The following NECAB2 variants were observed in gnomAD, a reference collection of about 807,000 sequenced individuals.
NECAB2 encodes the protein N-terminal EF-hand calcium binding protein 2.
NECAB2 carries 68 observed loss-of-function variants against 51.9 expected under a neutral mutation model. The observed-to-expected ratio is 1.31, with a 90% CI of 1.08 to 1.60. NECAB2 has a LOEUF of 1.60. Among genes scored for constraint, NECAB2 ranks in the 40% most tolerant of loss-of-function variants. The pLI is 0.00. For synonymous variants in NECAB2, 329 were observed against 203.5 expected (o/e 1.62, Z -5.25); for missense variants, 854 against 490.3 (o/e 1.74, Z -7.00).
Position 83,987,710 on chromosome 16 carries a change from C to T in NECAB2, c.460-2784C>T, listed in dbSNP as rs556627655. ...TTTTGTTAGGTATATTAGATTATTT[C>T]CAAGTTTTTGCTATTATGAGTATTA... On this transcript the variant is annotated intron_variant, in intron 5 of 12. Transcript: ENST00000305202. Among the ~76,000 whole-genome samples, 35 of 151,524 alleles carry T rather than the reference C, an allele frequency of 2.3e-4. 2 individuals carry two copies. In the South Asian group the frequency reaches 5.8e-3, roughly 25 times the overall value.
chr16:83,977,462 A>T (rs188029780), intron 2 of NECAB2, among the ~76,000 whole-genome samples: 36 of 151,986 alleles, frequency 2.4e-4, no homozygotes, highest in African/African-American at 8.7e-4. Flanking sequence ...TCTGATCCAA[A>T]CCCACAAGAC....
At chr16:83,978,702 C>A (rs2084448012) in intron 3 of NECAB2, 150 bp downstream of exon 3, 2 of 647,386 alleles carry the variant, frequency 3.1e-6, no homozygotes, top group Non-Finnish European at 5.4e-6. Flanking sequence ...CTCTTCACTG[C>A]CTGGGGTGAA....
At chr16:83,970,773 A>G (rs1031157427) in intron 1 of NECAB2, among the ~76,000 whole-genome samples, 1 of 152,166 alleles carries the variant, frequency 6.6e-6, no homozygotes, top group Non-Finnish European at 1.5e-5. Context: ...GGGCCACCGC[A>G]GAAGCTGGGA....
At chr16:83,990,775 C>T (rs899327583) in intron 6 of NECAB2, 145 bp downstream of exon 6, 8 of 1,039,478 alleles carry the variant, frequency 7.7e-6, no homozygotes, top group African/African-American at 6.5e-5. Context: ...CTTTGGTGCT[C>T]CATTATGTAA....
chr16:83,978,529 C>T lies in NECAB2; in HGVS notation c.312C>T (p.His104=), dbSNP rs1285595036. The change falls in exon 3 of 13, where the codon CAC becomes CAT. Residue 104 remains histidine (H), a synonymous_variant. Transcript: ENST00000305202. ...LNEKELEDLF[H]TIDSDNTNHV... ...AGAAAGAACTGGAGGATCTCTTTCA[C>T]ACGATTGACTCTGACAACACCAAGT... 2 of 1,613,582 alleles carry T rather than the reference C, an allele frequency of 1.2e-6. No homozygotes were observed. Among genetic ancestry groups the T allele is most frequent in the African/African-American group, 2.7e-5 (2 of 74,788 alleles).
intron 8 of NECAB2, among the ~76,000 whole-genome samples, chr16:83,996,597 A>T (rs11640370): frequency 0.18 from 25,782 of 144,132 alleles, 2,922 homozygotes; most frequent in Non-Finnish European, 0.28. Flanking sequence ...CCTGTGCGTC[A>T]GGTAGACACA....
chr16:84,002,042 C>T (rs2084847440), intron 12 of NECAB2, 126 bp downstream of exon 12: 1 of 1,173,254 alleles, frequency 8.5e-7, no homozygotes, highest in South Asian at 1.4e-5. Context: ...GCTCCTGCCA[C>T]CAATGCCAGG....
At chr16:83,988,189 C>T (rs2084578759) in intron 5 of NECAB2, among the ~76,000 whole-genome samples, 1 of 152,152 alleles carries the variant, frequency 6.6e-6, no homozygotes, top group African/African-American at 2.4e-5. Context: ...GAATTCGGGC[C>T]ACCTTTTTTA....
chr16:83,977,421 T>C (rs1338796825), intron 2 of NECAB2, among the ~76,000 whole-genome samples: 1 of 152,120 alleles, frequency 6.6e-6, no homozygotes, highest in Non-Finnish European at 1.5e-5. Flanking sequence ...GAGTCCCTGA[T>C]GTTCTTAAGC....
At chr16:83,989,346 C>T (rs1189094182) in intron 5 of NECAB2, among the ~76,000 whole-genome samples, 3 of 152,200 alleles carry the variant, frequency 2.0e-5, no homozygotes, top group Non-Finnish European at 2.9e-5. Flanking sequence ...TTGGGTCGCC[C>T]ACCTTCACCA....
At chr16:83,979,032 C>T (rs533875937) in intron 3 of NECAB2, among the ~76,000 whole-genome samples, 6 of 152,186 alleles carry the variant, frequency 3.9e-5, no homozygotes, top group Non-Finnish European at 7.3e-5. Flanking sequence ...AACCTTTTCT[C>T]CAACCCAGTC....
intron 2 of NECAB2, among the ~76,000 whole-genome samples, chr16:83,974,093 G>T (rs1367468435): frequency 6.6e-6 from 1 of 151,998 alleles, no homozygotes; most frequent in East Asian, 1.9e-4. Flanking sequence ...CTCCTCAAAG[G>T]CCGAGCCTGT....
upstream of NECAB2, chr16:83,965,886 G>A (rs142452879): frequency 4.1e-3 from 6,584 of 1,612,854 alleles, 280 homozygotes; most frequent in Admixed American, 0.08. Flanking sequence ...CAGAGCACCC[G>A]CCAGGAGGGC....
In NECAB2 at chr16:83,976,761, G is replaced by A. The variant is rs144382485; in HGVS notation, c.227-1683G>A. The stretch of plus-strand genomic sequence containing the variant: ...TGCCCACACGTTCATATTCTTTACC[G>A]GTCTCTGATACTTTATGCTCTATGG... On this transcript the variant is annotated intron_variant, in intron 2 of 12. Coordinates refer to ENST00000305202, the MANE Select transcript of NECAB2 (RefSeq NM_019065.3). Among the ~76,000 whole-genome samples the A allele has an allele frequency of 5.0e-4, 76 of 152,246 alleles. No individual in the cohort carries two copies. The Middle Eastern group carries it at 0.01, about 20-fold the overall frequency.
intron 8 of NECAB2, among the ~76,000 whole-genome samples, chr16:83,996,387 C>G (rs1258282868): frequency 2.6e-5 from 4 of 152,212 alleles, no homozygotes; most frequent in Non-Finnish European, 5.9e-5. Flanking sequence ...TGCAAGGTCC[C>G]TTGCTCAAAC....
intron 5 of NECAB2, 108 bp from the exon 6 acceptor site, chr16:83,990,386 C>G: frequency 6.9e-7 from 1 of 1,448,340 alleles, no homozygotes; most frequent in South Asian, 1.3e-5. Flanking sequence ...CTTCCCTTTG[C>G]AAAGCAAATT....
At chr16:83,968,901 G>A (rs772739640) in intron 1 of NECAB2, 52 bp downstream of exon 1, 8 of 1,042,408 alleles carry the variant, frequency 7.7e-6, no homozygotes, top group East Asian at 6.0e-5. Flanking sequence ...GGGACCCGGA[G>A]CCCCCTCCGC....
chr16:84,001,854 T>C lies in NECAB2; in HGVS notation c.1070T>C (p.Phe357Ser), dbSNP rs757877432. Residue 357 changes from phenylalanine (F) to serine (S), a missense_variant, in exon 12 of 13, where the codon TTC (phenylalanine) becomes TCC (serine). Coordinates refer to ENST00000305202, the MANE Select transcript of NECAB2 (RefSeq NM_019065.3). ...RHLQSPLCKAFRHVKVDTLSQ... is the reference protein window; with the variant it reads ...RHLQSPLCKASRHVKVDTLSQ... The stretch of plus-strand genomic sequence containing the variant: ...CTGCAGAGCCCCCTGTGTAAGGCGT[T>C]CCGGCACGTCAAGGTGGACACACTG... 1.5e-5 allele frequency: 25 copies of C among 1,613,978 alleles called. No individual in the cohort carries two copies. Among genetic ancestry groups the C allele is most frequent in the Non-Finnish European group, 3.4e-6 (4 of 1,179,984 alleles).
chr16:83,977,533 G>T (rs1597201061), intron 2 of NECAB2, among the ~76,000 whole-genome samples: 1 of 152,032 alleles, frequency 6.6e-6, no homozygotes, highest in South Asian at 2.1e-4. Flanking sequence ...AAGGTGAGGC[G>T]ATGGGTGGGA....
Sources: allele counts gnomAD v4.1 joint callset (sites outside exome capture counted in the v4.1 genomes callset), GRCh38; gene constraint gnomAD v4.1.1; transcripts MANE v1.5; gene names NCBI Gene and HGNC (gene_info 2026-07-23, HGNC 2026-07-21).